CYP3A4: variants seen among roughly 807,000 people sequenced by gnomAD.
The protein encoded by CYP3A4 is cytochrome P450 family 3 subfamily A member 4.
A neutral mutation model predicts 54.9 loss-of-function variants in CYP3A4; 41 were observed. That is an observed-to-expected ratio of 0.75 (90% CI 0.58 to 0.97). CYP3A4 has a LOEUF of 0.97. Ranked by LOEUF, CYP3A4 falls within the 50% of genes least tolerant of loss-of-function variation. The pLI is 0.00. For synonymous variants in CYP3A4, 179 were observed against 205.2 expected, an observed-to-expected ratio of 0.87 and a Z score of 1.09; for missense variants, 510 against 597.3, an observed-to-expected ratio of 0.85 and a Z score of 1.52.
rs767982031 is a variant in CYP3A4, at chr7:99,769,789, C to G, written c.500G>C (p.Gly167Ala). Residue 167 changes from glycine (G) to alanine (A), a missense_variant, in exon 6 of 13, where the codon GGC becomes GCC. This residue lies in a region of CYP3A4 where 272 missense variants were observed against 274.9 expected (regional missense o/e 0.99). Transcript: ENST00000651514. ...VRNLRREAET[G>A]KPVTLKDVFG... ...TTACTCTTTCAAGGTGACAGGCTTG[C>G]CTGTCTCTGCTTCCCGCCTCAGATT... 2 of 1,613,974 alleles carry G rather than the reference C, an allele frequency of 1.2e-6. No individual in the cohort carries two copies. The highest frequency in any genetic ancestry group is 1.1e-5 in the South Asian group (1 of 91,074).
At position 99,760,929 on chromosome 7, in the gene CYP3A4, C is replaced by T. The variant is rs755248651; in HGVS notation, c.1306G>A (p.Gly436Arg). The change falls in exon 12 of 13, where the codon GGA becomes AGA. Residue 436 changes from glycine (G) to arginine (R), a missense_variant. Physicochemically the swap from Gly to Arg is moderately radical, Grantham distance 125 (BLOSUM62 -2). This residue lies in a region of CYP3A4 where 238 missense variants were observed against 322.5 expected (regional missense o/e 0.74). Coordinates refer to ENST00000651514, the MANE Select transcript of CYP3A4 (RefSeq NM_017460.6). ...CCAATGCAGTTTCTGGGTCCACTTC[C>T]AAAGGGTGTGTATATGTAAGGATCT... is the stretch of plus-strand genomic sequence containing the variant. ...NIDPYIYTPF[G>R]SGPRNCIGMR... The T allele has an allele frequency of 3.1e-6, 5 of 1,613,944 alleles. No homozygotes were observed. The highest frequency in any genetic ancestry group is 2.2e-5 in the South Asian group (2 of 91,076).
At chr7:99,769,593 G>A (rs1010679232) in intron 6 of CYP3A4, 175 bp downstream of exon 6, 2 of 630,078 alleles carry the variant, frequency 3.2e-6, no homozygotes, top group African/African-American at 3.7e-5. Flanking sequence ...TCCTCCAGCT[G>A]CCCCACCTCC....
chr7:99,766,388 T>A lies in CYP3A4; in HGVS notation c.854A>T (p.Glu285Val). ...AACACTCTGGTTACCTTTGTGGGAC[T>A]CAGTTTCTTTTGAATTCTGAGAGTC... is the stretch of plus-strand genomic sequence containing the variant. The part of the protein sequence containing the change: ...MIDSQNSKET[E>V]SHKALSDLEL... Residue 285 changes from glutamate (E) to valine (V), a missense_variant, in exon 9 of 13, where the codon GAG becomes GTG. By Grantham distance (121) the Glu-to-Val change is moderately radical. Around this residue, in one of 2 missense-constraint regions of CYP3A4, gnomAD observed 238 missense variants for 322.5 expected, o/e 0.74. Coordinates refer to ENST00000651514, the MANE Select transcript of CYP3A4 (RefSeq NM_017460.6). 1 of 1,613,762 alleles carries A rather than the reference T, an allele frequency of 6.2e-7. No homozygotes were observed. The highest frequency in any genetic ancestry group is 8.5e-7 in the Non-Finnish European group (1 of 1,179,732).
At chr7:99,782,302 A>C (rs1362727588) in intron 1 of CYP3A4, among the ~76,000 whole-genome samples, 2 of 152,166 alleles carry the variant, frequency 1.3e-5, no homozygotes, top group African/African-American at 4.8e-5. Flanking sequence ...GGCTGGGCAA[A>C]CTGTGTAGTT....
At position 99,770,138 on chromosome 7, in the gene CYP3A4, C is replaced by G. The variant is rs776078249; in HGVS notation, c.416G>C (p.Ser139Thr). Residue 139 changes from serine to threonine, a missense_variant, in exon 5 of 13, where the codon AGT becomes ACT. Around this residue, in one of 2 missense-constraint regions of CYP3A4, gnomAD observed 272 missense variants for 274.9 expected, o/e 0.99. Transcript: ENST00000651514. ...LRSLLSPTFT[S>T]GKLKEMVPII... ...TTTTCATACCTCCTTGAGTTTTCCA[C>G]TGGTGAAGGTTGGAGACAGCAATGA... 4.3e-6 allele frequency: 7 copies of G among 1,612,752 alleles called. No homozygotes were observed. The African/African-American group carries it at 8.0e-5, about 18-fold the overall frequency.
intron 1 of CYP3A4, 65 bp from the exon 2 acceptor site, chr7:99,780,150 T>A: frequency 6.6e-7 from 1 of 1,504,838 alleles, no homozygotes; most frequent in Non-Finnish European, 9.2e-7. Context: ...GGTTGATGAG[T>A]CATTGACTGA....
intron 1 of CYP3A4, among the ~76,000 whole-genome samples, chr7:99,782,428 G>A (rs1233054799): frequency 5.3e-5 from 8 of 152,186 alleles, no homozygotes; most frequent in Non-Finnish European, 1.2e-4. Flanking sequence ...GGAGGGCATT[G>A]TCTGCACTAC....
chr7:99,774,474 A>C (rs948596045), intron 3 of CYP3A4, among the ~76,000 whole-genome samples: 2 of 152,210 alleles, frequency 1.3e-5, no homozygotes, highest in African/African-American at 4.8e-5. Context: ...CCAGCAAAAC[A>C]TCAAAAAGCT....
At position 99,763,896 on chromosome 7, in the gene CYP3A4, G is replaced by A. The variant is rs1815408442; in HGVS notation, c.985C>T (p.Gln329Ter). The A allele has an allele frequency of 6.2e-7, 1 of 1,614,048 alleles. No individual in the cohort carries two copies. The highest frequency in any genetic ancestry group is 1.3e-5 in the African/African-American group (1 of 75,036). The change falls in exon 10 of 13, where the codon CAG (glutamine) becomes TAG (stop). Residue 329 changes from glutamine (Q) to a stop codon, truncating the protein, a stop_gained. Transcript: ENST00000651514. LOFTEE classifies it high-confidence loss of function. Reference sequence around the variant, plus strand: ...GCATCAATTTCCTCCTGCAGTTTCTGCTGGACATCAGGGTGAGTGGCCAGT... The same window carrying A: ...GCATCAATTTCCTCCTGCAGTTTCTACTGGACATCAGGGTGAGTGGCCAGT... ...YELATHPDVQ[Q>*]KLQEEIDAVL...
intron 2 of CYP3A4, among the ~76,000 whole-genome samples, chr7:99,779,210 T>C (rs568697072): frequency 1.3e-5 from 2 of 151,972 alleles, no homozygotes; most frequent in Non-Finnish European, 2.9e-5. Flanking sequence ...TGATTTTGCA[T>C]GTGATTCCGC....
At chr7:99,773,367 C>A (rs1815681670) in intron 3 of CYP3A4, among the ~76,000 whole-genome samples, 1 of 152,198 alleles carries the variant, frequency 6.6e-6, no homozygotes, top group Admixed American at 6.5e-5. Context: ...CTACAGAAAT[C>A]TCCACCCCAA....
chr7:99,766,798 TA>T (rs1376045332), intron 8 of CYP3A4: 1 of 365,152 alleles, frequency 2.7e-6, no homozygotes, highest in East Asian at 5.6e-5. Flanking sequence ...ATCAGTAAAA[TA>T]TATTTCCAAA....
At position 99,758,089 on chromosome 7, in the gene CYP3A4, G is replaced by T; in HGVS notation, c.*44C>A. On this transcript the variant is annotated 3_prime_UTR_variant, in exon 13 of 13. Coordinates refer to ENST00000651514, the MANE Select transcript of CYP3A4 (RefSeq NM_017460.6). ...TAATTTGAGGTCTCTGGTGTTCTCA[G>T]GCACAGATTTCTTGAAGAGCAAAGC... 1 of 1,508,914 alleles carries T rather than the reference G, an allele frequency of 6.6e-7. No homozygotes were observed. Among genetic ancestry groups the T allele is most frequent in the Non-Finnish European group, 9.2e-7 (1 of 1,084,502 alleles). 93.5% of individuals were successfully genotyped at this position (1,508,914 alleles called of 1,614,324 possible).
chr7:99,782,209 T>C (rs1350212626), intron 1 of CYP3A4, among the ~76,000 whole-genome samples: 4 of 152,186 alleles, frequency 2.6e-5, no homozygotes, highest in Non-Finnish European at 4.4e-5. Flanking sequence ...ACTATTGAGT[T>C]AATGTGTCAG....
chr7:99,759,998 G>A (rs1815276604), intron 12 of CYP3A4, among the ~76,000 whole-genome samples: 1 of 152,152 alleles, frequency 6.6e-6, no homozygotes, highest in Non-Finnish European at 1.5e-5. Flanking sequence ...ACCTCTCCAG[G>A]GTAATTTTTT....
At chr7:99,763,826 C>G in intron 10 of CYP3A4, 29 bp downstream of exon 10, 1 of 1,613,480 alleles carries the variant, frequency 6.2e-7, no homozygotes, top group Non-Finnish European at 8.5e-7. Flanking sequence ...TTCACCTCCT[C>G]CCTCCTTCTC....
chr7:99,768,797 T>C (rs145330037), intron 6 of CYP3A4, among the ~76,000 whole-genome samples: 1 of 152,272 alleles, frequency 6.6e-6, no homozygotes, highest in African/African-American at 2.4e-5. Flanking sequence ...CAGTAGCATG[T>C]ATTGATTGTG....
chr7:99,762,260 G>A lies in CYP3A4; in HGVS notation c.1034C>T (p.Pro345Leu), dbSNP rs1228951892. The A allele has an allele frequency of 1.9e-6, 3 of 1,613,836 alleles. No individual in the cohort carries two copies. The African/African-American group carries it at 4.0e-5, about 22-fold the overall frequency. ...IDAVLPNKAP[P>L]TYDTVLQMEY... ...CATCTGTAGCACAGTATCATAGGTG[G>A]GTGGTGCCTGGAAAGAACGAAACAG... The change falls in exon 11 of 13, where the codon CCC becomes CTC. Residue 345 changes from proline to leucine, a missense_variant. By Grantham distance (98) the Pro-to-Leu change is moderately conservative (BLOSUM62 -3). Around this residue, in one of 2 missense-constraint regions of CYP3A4, gnomAD observed 238 missense variants for 322.5 expected, o/e 0.74. Coordinates refer to ENST00000651514, the MANE Select transcript of CYP3A4 (RefSeq NM_017460.6).
intron 3 of CYP3A4, among the ~76,000 whole-genome samples, chr7:99,774,697 TAGTA>T (rs997692676): frequency 1.3e-5 from 2 of 152,114 alleles, no homozygotes; most frequent in African/African-American, 4.8e-5. Context: ...TATCTCAAAA[TAGTA>T]AGAGCTATTT....
Sources: allele counts gnomAD v4.1 joint callset (sites outside exome capture counted in the v4.1 genomes callset), GRCh38; gene constraint gnomAD v4.1.1; regional missense constraint gnomAD v4.1.1; transcripts MANE v1.5; gene names NCBI Gene and HGNC (gene_info 2026-07-23, HGNC 2026-07-21).